The following AMOTL1 variants were observed in gnomAD, a reference collection of about 807,000 sequenced individuals.
AMOTL1 encodes the protein angiomotin like 1.
Under a neutral mutation model 102.9 loss-of-function variants are expected in AMOTL1, and 45 were observed. The observed-to-expected ratio is 0.44, with a 90% CI of 0.34 to 0.56. The LOEUF (loss-of-function observed/expected upper bound fraction) is 0.56. Ranked by LOEUF, AMOTL1 falls within the 20% of genes least tolerant of loss-of-function variation. The pLI, the probability that AMOTL1 is intolerant of heterozygous loss-of-function variation, is 0.01. For synonymous variants in AMOTL1, 481 were observed against 484.7 expected, an observed-to-expected ratio of 0.99 and a Z score of 0.10; for missense variants, 1,114 against 1,225.6, an observed-to-expected ratio of 0.91 and a Z score of 1.36.
intron 1 of AMOTL1, among the ~76,000 whole-genome samples, chr11:94,792,915 C>T (rs1951309784): frequency 6.6e-6 from 1 of 152,096 alleles, no homozygotes; most frequent in Non-Finnish European, 1.5e-5. Flanking sequence ...TAAACCCACT[C>T]TTAGTTAGCA....
At chr11:94,738,391 G>T (rs1565333865) in intron 2 of AMOTL1, among the ~76,000 whole-genome samples, 1 of 152,010 alleles carries the variant, frequency 6.6e-6, no homozygotes, top group East Asian at 1.9e-4. Flanking sequence ...CTGAGTAGCT[G>T]GGATTACAGA....
At chr11:94,790,004 T>C (rs1308854590) in intron 1 of AMOTL1, among the ~76,000 whole-genome samples, 3 of 152,300 alleles carry the variant, frequency 2.0e-5, no homozygotes, top group Non-Finnish European at 4.4e-5. Flanking sequence ...AATGGGTCGC[T>C]GGCCTGTAGA....
In AMOTL1 at chr11:94,875,208, T is replaced by C. The variant is rs1953074808; in HGVS notation, c.*4413T>C. The C allele has an allele frequency of 6.6e-6, 1 of 152,192 alleles. No homozygotes were observed. Among genetic ancestry groups the C allele is most frequent in the Non-Finnish European group, 1.5e-5 (1 of 68,030 alleles). The allele number at this position is 152,192 out of a possible 1,614,324, so 9.4% of individuals were successfully genotyped here. A position where few individuals can be genotyped will look rare whatever the true frequency, so the allele number is the denominator to read the frequency against. ...AGTTTGCCTCTGACGTGTGGCTCCATGGGAGATAGGCAAAGTAATTAAGAA... is the reference window on the plus strand; with the variant it reads ...AGTTTGCCTCTGACGTGTGGCTCCACGGGAGATAGGCAAAGTAATTAAGAA... On this transcript the variant is annotated 3_prime_UTR_variant, in exon 13 of 13. Transcript: ENST00000433060.
At position 94,825,455 on chromosome 11, in the gene AMOTL1, A is replaced by G. The variant is rs1427664745; in HGVS notation, c.1413+3634A>G. ...CCTTCTCTGTCCATTTGCTTATTAC[A>G]ACAGTGCCAGTGGAAGTCATGCAGG... On this transcript the variant is annotated intron_variant, in intron 4 of 12. Transcript: ENST00000433060. Among the ~76,000 whole-genome samples the G allele has an allele frequency of 3.3e-5, 5 of 152,166 alleles. No individual in the cohort carries two copies. The East Asian group carries it at 9.6e-4, about 29-fold the overall frequency.
rs141606688 is a variant in AMOTL1, at chr11:94,836,119, G to A, written c.1648+4578G>A. Among the ~76,000 whole-genome samples the A allele has an allele frequency of 2.4e-3, 365 of 152,130 alleles. 2 individuals carry two copies. Among genetic ancestry groups the A allele is most frequent in the African/African-American group, 8.5e-3 (353 of 41,484 alleles). On this transcript the variant is annotated intron_variant, in intron 6 of 12. Transcript: ENST00000433060. Reference sequence around the variant, plus strand: ...CTCCTGGTTTTTTTATTTCTATAAGGTCTTGTGTGAACCACAGATCAGAAA... The same window carrying A: ...CTCCTGGTTTTTTTATTTCTATAAGATCTTGTGTGAACCACAGATCAGAAA...
chr11:94,733,212 A>T (rs900723080), intron 2 of AMOTL1, among the ~76,000 whole-genome samples: 1 of 152,194 alleles, frequency 6.6e-6, no homozygotes, highest in South Asian at 2.1e-4. Context: ...GTTTCTAAGG[A>T]CAACATTACT....
chr11:94,863,183 A>G (rs1203200096), intron 9 of AMOTL1, among the ~76,000 whole-genome samples: 3 of 151,862 alleles, frequency 2.0e-5, no homozygotes, highest in Admixed American at 6.6e-5. Flanking sequence ...GACCATGTGT[A>G]CCGTGCCCTA....
intron 1 of AMOTL1, among the ~76,000 whole-genome samples, chr11:94,711,089 CTT>C (rs1565322358): frequency 6.6e-6 from 1 of 152,116 alleles, no homozygotes; most frequent in African/African-American, 2.4e-5. Flanking sequence ...TAAAATCACT[CTT>C]GAGAGCCAAA....
At chr11:94,740,908 G>A (rs901395812) in intron 2 of AMOTL1, 16 of 1,288,328 alleles carry the variant, frequency 1.2e-5, no homozygotes, top group Non-Finnish European at 1.6e-5. Context: ...GTAGCGATTC[G>A]AGTTGTTTTC....
At chr11:94,728,229 G>T (rs374419078) in intron 1 of AMOTL1, among the ~76,000 whole-genome samples, 3 of 152,048 alleles carry the variant, frequency 2.0e-5, no homozygotes, top group Non-Finnish European at 4.4e-5. Flanking sequence ...AATCAGCCCA[G>T]GTACAGTTTG....
chr11:94,727,650 T>A (rs959231153), intron 1 of AMOTL1, among the ~76,000 whole-genome samples: 1 of 152,292 alleles, frequency 6.6e-6, no homozygotes, highest in Non-Finnish European at 1.5e-5. Flanking sequence ...TTGCCCAAAG[T>A]CATCCAGTTA....
intron 8 of AMOTL1, among the ~76,000 whole-genome samples, chr11:94,856,762 A>G (rs1379808395): frequency 6.6e-6 from 1 of 152,158 alleles, no homozygotes; most frequent in Non-Finnish European, 1.5e-5. Context: ...TCCACCCTCA[A>G]CAGAACAACA....
At chr11:94,809,726 A>G (rs973392821) in intron 3 of AMOTL1, among the ~76,000 whole-genome samples, 10 of 152,246 alleles carry the variant, frequency 6.6e-5, no homozygotes, top group African/African-American at 2.4e-4. Context: ...GAATCTAAAC[A>G]ATAATGTATG....
intron 1 of AMOTL1, among the ~76,000 whole-genome samples, chr11:94,716,834 G>A (rs953670159): frequency 7.2e-5 from 11 of 152,092 alleles, no homozygotes; most frequent in Admixed American, 2.0e-4. Context: ...AAGAGAGTGC[G>A]GCTTGCCAGC....
chr11:94,832,588 T>TTCC (rs1286511541), intron 6 of AMOTL1, among the ~76,000 whole-genome samples: 1 of 152,222 alleles, frequency 6.6e-6, no homozygotes, highest in Non-Finnish European at 1.5e-5. Flanking sequence ...TCCTTTGTGG[T>TTCC]CTCAGATGAT....
intron 3 of AMOTL1, among the ~76,000 whole-genome samples, chr11:94,820,710 T>G (rs577403710): frequency 6.6e-6 from 1 of 152,182 alleles, no homozygotes; most frequent in Admixed American, 6.5e-5. Flanking sequence ...GTAGGAGCCC[T>G]GAGCTTGTTT....
intron 6 of AMOTL1, among the ~76,000 whole-genome samples, chr11:94,845,724 G>C (rs759985271): frequency 4.6e-5 from 7 of 152,198 alleles, no homozygotes; most frequent in Non-Finnish European, 7.3e-5. Flanking sequence ...TGGCCACACA[G>C]CCTGTGCCAT....
At chr11:94,805,426 T>C (rs1013453276) in intron 3 of AMOTL1, among the ~76,000 whole-genome samples, 2 of 152,216 alleles carry the variant, frequency 1.3e-5, no homozygotes, top group African/African-American at 4.8e-5. Flanking sequence ...CTTTCATTCC[T>C]AGGGTGAGGG....
At chr11:94,805,810 C>T (rs1204172766) in intron 3 of AMOTL1, among the ~76,000 whole-genome samples, 1 of 152,168 alleles carries the variant, frequency 6.6e-6, no homozygotes, top group Non-Finnish European at 1.5e-5. Context: ...TGGCCCAGCC[C>T]TCCCATCCTA....
Sources: allele counts gnomAD v4.1 joint callset (sites outside exome capture counted in the v4.1 genomes callset), GRCh38; gene constraint gnomAD v4.1.1; transcripts MANE v1.5; gene names NCBI Gene and HGNC (gene_info 2026-07-23, HGNC 2026-07-21).